The following EPHA7 variants were observed in gnomAD, a reference collection of about 807,000 sequenced individuals.
The protein encoded by EPHA7 is ephrin type-A receptor 7.
EPHA7 carries 25 observed loss-of-function variants against 112.6 expected under a neutral mutation model. The observed-to-expected ratio is 0.22, with a 90% CI of 0.16 to 0.31. The LOEUF (loss-of-function observed/expected upper bound fraction) is 0.31, where lower values mean the gene tolerates loss of function less well. Among genes scored for constraint, EPHA7 ranks in the 10% least tolerant of loss-of-function variants. The pLI is 1.00. For synonymous variants in EPHA7, 437 were observed against 406.5 expected (o/e 1.07, Z -0.90); for missense variants, 962 against 1,212.6 (o/e 0.79, Z 3.07).
chr6:93,289,898 T>C (rs1271821833), intron 5 of EPHA7, among the ~76,000 whole-genome samples: 1 of 152,170 alleles, frequency 6.6e-6, no homozygotes, highest in Non-Finnish European at 1.5e-5. Flanking sequence ...TGAAGGATTT[T>C]AGTTTATATA....
chr6:93,289,505 T>C (rs896895173), intron 5 of EPHA7, among the ~76,000 whole-genome samples: 3 of 151,868 alleles, frequency 2.0e-5, no homozygotes, highest in Admixed American at 2.0e-4. Flanking sequence ...GCACCTGTAG[T>C]CCCAGCTACT....
intron 5 of EPHA7, among the ~76,000 whole-genome samples, chr6:93,309,618 T>A (rs914597005): frequency 6.6e-6 from 1 of 152,088 alleles, no homozygotes; most frequent in African/African-American, 2.4e-5. Context: ...ATTTTTTGAA[T>A]TTCATAAACT....
intron 3 of EPHA7, among the ~76,000 whole-genome samples, chr6:93,401,656 A>G (rs1173061841): frequency 6.6e-6 from 1 of 152,086 alleles, no homozygotes; most frequent in East Asian, 1.9e-4. Context: ...TTAAACTTAC[A>G]TTAATATCCT....
At chr6:93,256,204 T>G (rs2127856928) in intron 12 of EPHA7, among the ~76,000 whole-genome samples, 167 bp from the exon 13 acceptor site, 1 of 152,292 alleles carries the variant, frequency 6.6e-6, no homozygotes, top group African/African-American at 2.4e-5. Context: ...CTTATTTAGC[T>G]GACAGCCAAA....
intron 5 of EPHA7, among the ~76,000 whole-genome samples, chr6:93,330,746 A>AT (rs752389624): frequency 6.6e-6 from 1 of 151,370 alleles, no homozygotes; most frequent in Non-Finnish European, 1.5e-5. Flanking sequence ...TACAGTAAAC[A>AT]TAGGGGTGCA....
In EPHA7 at chr6:93,357,107, C is replaced by T. The variant is rs971241810; in HGVS notation, c.989-55G>A. The T allele has an allele frequency of 2.2e-6, 3 of 1,388,736 alleles. No homozygotes were observed. The African/African-American group carries it at 4.3e-5, about 20-fold the overall frequency. 86.0% of individuals were successfully genotyped at this position (1,388,736 alleles called of 1,614,324 possible). ...AAGCAAAAATAGAAAAAAAAACATA[C>T]AAACAAAAAGAACAAAAGGATCTGT... On this transcript the variant is annotated intron_variant, in intron 4 of 16. Transcript: ENST00000369303.
At chr6:93,257,604 A>G (rs1389395888) in intron 11 of EPHA7, 81 bp from the exon 12 acceptor site, 5 of 867,646 alleles carry the variant, frequency 5.8e-6, no homozygotes, top group Admixed American at 2.3e-5. Flanking sequence ...AATAAAACAC[A>G]TGGTGTTCTT....
chr6:93,303,852 C>A (rs754985530), intron 5 of EPHA7, among the ~76,000 whole-genome samples: 119 of 152,064 alleles, frequency 7.8e-4, no homozygotes, highest in Non-Finnish European at 7.6e-4. Flanking sequence ...TATAAGCCAC[C>A]TTTCTCCATG....
intron 5 of EPHA7, among the ~76,000 whole-genome samples, chr6:93,340,500 T>C (rs1775087181): frequency 6.6e-6 from 1 of 151,890 alleles, no homozygotes; most frequent in Non-Finnish European, 1.5e-5. Flanking sequence ...GAAATGCTCA[T>C]TCAATCATTT....
intron 5 of EPHA7, among the ~76,000 whole-genome samples, chr6:93,305,286 A>G (rs1477830104): frequency 6.6e-6 from 1 of 151,842 alleles, no homozygotes; most frequent in East Asian, 1.9e-4. Flanking sequence ...AAAGTAAAAG[A>G]TGGTATTAGT....
Position 93,254,636 on chromosome 6 carries a change from G to GT in EPHA7, c.2532+10dup. 1 of 1,609,162 alleles carries GT rather than the reference G, an allele frequency of 6.2e-7. No individual in the cohort carries two copies. On this transcript the variant is annotated intron_variant, in intron 14 of 16. Transcript: ENST00000369303. ...TTCAATCCTTTTTGTTTAAATGAAT[G>GT]TAACACCTACATCTTGATTTGACAT...
intron 5 of EPHA7, among the ~76,000 whole-genome samples, chr6:93,307,797 G>T (rs1773332911): frequency 6.6e-6 from 1 of 152,110 alleles, no homozygotes. Flanking sequence ...TCATTTTGAG[G>T]ATAGTACTAC....
intron 2 of EPHA7, among the ~76,000 whole-genome samples, chr6:93,413,931 T>G (rs1779099627): frequency 6.6e-6 from 1 of 151,866 alleles, no homozygotes; most frequent in African/African-American, 2.4e-5. Context: ...ATCTTCTCCT[T>G]TCTCAAAGCC....
intron 3 of EPHA7, chr6:93,409,601 T>C (rs1778876600): frequency 6.6e-6 from 1 of 151,906 alleles, no homozygotes. Flanking sequence ...AATATAGATA[T>C]ATGTGTTATT....
intron 3 of EPHA7, among the ~76,000 whole-genome samples, chr6:93,401,485 C>T (rs535798145): frequency 1.4e-4 from 21 of 152,080 alleles, no homozygotes; most frequent in Non-Finnish European, 2.6e-4. Flanking sequence ...CATATACCTA[C>T]AGATTCTATA....
intron 5 of EPHA7, among the ~76,000 whole-genome samples, chr6:93,303,295 A>G (rs946038460): frequency 2.0e-5 from 3 of 152,144 alleles, no homozygotes; most frequent in South Asian, 4.1e-4. Context: ...TCACTACATT[A>G]AAAGACAGCA....
At chr6:93,370,413 T>C (rs1163033322) in intron 3 of EPHA7, among the ~76,000 whole-genome samples, 1 of 152,220 alleles carries the variant, frequency 6.6e-6, no homozygotes, top group East Asian at 1.9e-4. Context: ...CTTTCATTTC[T>C]GTTGGTAATT....
chr6:93,356,473 G>A (rs182960), intron 5 of EPHA7, among the ~76,000 whole-genome samples: 54,055 of 151,858 alleles, frequency 0.36, 10,542 homozygotes, highest in East Asian at 0.56. Flanking sequence ...AAAATGCTGG[G>A]ATTACAGGTG....
intron 2 of EPHA7, among the ~76,000 whole-genome samples, chr6:93,412,134 T>C (rs1016945783): frequency 2.6e-5 from 4 of 152,084 alleles, no homozygotes; most frequent in African/African-American, 9.6e-5. Context: ...GTTTTCTTCG[T>C]ACAATTATTA....
Sources: gnomAD v4.1 joint callset for allele counts (sites outside exome capture counted in the v4.1 genomes callset) on GRCh38, gnomAD v4.1.1 for gene constraint, MANE v1.5 for transcripts, NCBI Gene and HGNC (gene_info 2026-07-23, HGNC 2026-07-21) for gene names.